The following RAP1GDS1 variants were observed in gnomAD, a reference collection of about 807,000 sequenced individuals.
RAP1GDS1 encodes the protein RAP1, GTP-GDP dissociation stimulator 1.
RAP1GDS1 carries 35 observed loss-of-function variants against 71.1 expected under a neutral mutation model. The observed-to-expected ratio is 0.49, with a 90% CI of 0.38 to 0.65. The LOEUF (loss-of-function observed/expected upper bound fraction) is 0.65. Among genes scored for constraint, RAP1GDS1 ranks in the 30% least tolerant of loss-of-function variants. RAP1GDS1 has a pLI of 0.00. For missense variants in RAP1GDS1, 663 were observed against 706.1 expected (o/e 0.94, Z 0.69); for synonymous variants, 229 against 243.1 (o/e 0.94, Z 0.54).
chr4:98,400,225 A>G (rs1341790638), intron 6 of RAP1GDS1, among the ~76,000 whole-genome samples: 1 of 152,082 alleles, frequency 6.6e-6, no homozygotes, highest in African/African-American at 2.4e-5. Flanking sequence ...ATTTATCAAA[A>G]GGAAAGGAAG....
intron 6 of RAP1GDS1, among the ~76,000 whole-genome samples, chr4:98,395,678 C>G (rs995789259): frequency 3.3e-5 from 5 of 152,154 alleles, no homozygotes; most frequent in African/African-American, 4.8e-5. Flanking sequence ...CCTTTTTAAA[C>G]ATAGATACTC....
At position 98,317,132 on chromosome 4, in the gene RAP1GDS1, A is replaced by C. The variant is rs540670076; in HGVS notation, c.112+23617A>C. Among the ~76,000 whole-genome samples the C allele has an allele frequency of 1.3e-4, 20 of 152,174 alleles. No homozygotes were observed. In the Middle Eastern group the frequency reaches 0.014, roughly 104 times the overall value. On this transcript the variant is annotated intron_variant, in intron 2 of 14. Transcript: ENST00000408927. The stretch of plus-strand genomic sequence containing the variant: ...TTGTTCCCCTGAATTAGGTACTGTT[A>C]AGGGGCCTCCATCACACTTTTTTAC...
intron 3 of RAP1GDS1, among the ~76,000 whole-genome samples, chr4:98,351,130 C>T (rs1388941031): frequency 6.6e-6 from 1 of 152,128 alleles, no homozygotes; most frequent in Non-Finnish European, 1.5e-5. Flanking sequence ...ACATGTACAG[C>T]ATAATTCATT....
intron 2 of RAP1GDS1, among the ~76,000 whole-genome samples, chr4:98,301,688 C>G (rs1728610547): frequency 6.6e-6 from 1 of 151,970 alleles, no homozygotes; most frequent in African/African-American, 2.4e-5. Context: ...TGAAAATTAC[C>G]TTTAGAAAGA....
rs1752020814 is a variant in RAP1GDS1, at chr4:98,442,686, CCTTTTTA to C, written c.*570_*576del. ...CTTTAACTTCTGGTTTCTCCTTTTT[CCTTTTTA>C]GACTATTGAAACTGCCACAAACTTG... is the stretch of plus-strand genomic sequence containing the variant. On this transcript the variant is annotated 3_prime_UTR_variant, in exon 15 of 15. Transcript: ENST00000408927. 1 of 227,242 alleles carries C rather than the reference CCTTTTTA, an allele frequency of 4.4e-6. No individual in the cohort carries two copies. The highest frequency in any genetic ancestry group is 8.8e-6 in the Non-Finnish European group (1 of 114,090). 14.1% of individuals were successfully genotyped at this position (227,242 alleles called of 1,614,324 possible). A position where few individuals can be genotyped will look rare whatever the true frequency, so the allele number is the denominator to read the frequency against.
At chr4:98,355,421 T>A (rs1244189911) in intron 4 of RAP1GDS1, among the ~76,000 whole-genome samples, 3 of 152,208 alleles carry the variant, frequency 2.0e-5, no homozygotes. Context: ...ATAATTTTTT[T>A]AACATAGGTT....
intron 2 of RAP1GDS1, among the ~76,000 whole-genome samples, chr4:98,311,011 T>G (rs1730142964): frequency 3.3e-5 from 5 of 152,312 alleles, no homozygotes; most frequent in Admixed American, 3.3e-4. Flanking sequence ...AAATCGTAAA[T>G]ACTTAGGCCC....
intron 14 of RAP1GDS1, among the ~76,000 whole-genome samples, chr4:98,441,160 A>G (rs1181813105): frequency 6.6e-6 from 1 of 152,166 alleles, no homozygotes; most frequent in African/African-American, 2.4e-5. Context: ...GGATTTTTCT[A>G]TTACTACTAA....
intron 2 of RAP1GDS1, among the ~76,000 whole-genome samples, chr4:98,337,171 A>C (rs1274792958): frequency 1.3e-5 from 2 of 152,190 alleles, no homozygotes; most frequent in Non-Finnish European, 2.9e-5. Flanking sequence ...CTGAGATTAC[A>C]GGTGTGAGCC....
chr4:98,297,576 T>G (rs1231849447), intron 2 of RAP1GDS1, among the ~76,000 whole-genome samples: 1 of 152,168 alleles, frequency 6.6e-6, no homozygotes, highest in East Asian at 1.9e-4. Flanking sequence ...GTGATTGTTT[T>G]GGGGTGCCGT....
intron 7 of RAP1GDS1, among the ~76,000 whole-genome samples, chr4:98,412,426 G>C (rs764029581): frequency 2.0e-5 from 3 of 152,134 alleles, no homozygotes; most frequent in Non-Finnish European, 2.9e-5. Context: ...GAGATAGGAG[G>C]ATTGCTTGAG....
chr4:98,292,666 T>C (rs1188552214), intron 1 of RAP1GDS1, among the ~76,000 whole-genome samples: 4 of 152,206 alleles, frequency 2.6e-5, no homozygotes, highest in Non-Finnish European at 1.5e-5. Flanking sequence ...GCAGTAGGTT[T>C]ATAATTGTTA....
At position 98,343,329 on chromosome 4, in the gene RAP1GDS1, C is replaced by T; in HGVS notation, c.235+68C>T. Reference sequence around the variant, plus strand: ...GTTTTACATCTTACTTGTCAGTATGCTTTATTAATTTATGTTTTAATTTTG... The same window carrying T: ...GTTTTACATCTTACTTGTCAGTATGTTTTATTAATTTATGTTTTAATTTTG... On this transcript the variant is annotated intron_variant, in intron 3 of 14. Coordinates refer to ENST00000408927, the MANE Select transcript of RAP1GDS1 (RefSeq NM_001100427.2). The T allele has an allele frequency of 1.3e-6, 2 of 1,488,876 alleles. 1 individual carries two copies. Among genetic ancestry groups the T allele is most frequent in the Middle Eastern group, 3.4e-4 (2 of 5,800 alleles). The allele number at this position is 1,488,876 out of a possible 1,614,324, so 92.2% of individuals were successfully genotyped here.
chr4:98,357,552 G>A (rs1455975695), intron 4 of RAP1GDS1, among the ~76,000 whole-genome samples: 1 of 151,856 alleles, frequency 6.6e-6, no homozygotes, highest in Non-Finnish European at 1.5e-5. Flanking sequence ...ACAAGCATAT[G>A]CCATTAAAGA....
intron 7 of RAP1GDS1, among the ~76,000 whole-genome samples, chr4:98,413,187 C>A (rs1047939503): frequency 6.6e-6 from 1 of 151,642 alleles, no homozygotes; most frequent in South Asian, 2.1e-4. Context: ...TAGACCTCCC[C>A]CCAGGAATGC....
intron 1 of RAP1GDS1, among the ~76,000 whole-genome samples, chr4:98,270,293 T>A (rs1290681951): frequency 6.6e-6 from 1 of 152,172 alleles, no homozygotes; most frequent in Non-Finnish European, 1.5e-5. Context: ...CATATAGTTA[T>A]AAAGACTATT....
intron 2 of RAP1GDS1, among the ~76,000 whole-genome samples, chr4:98,308,398 A>C (rs996826481): frequency 6.9e-6 from 1 of 145,180 alleles, no homozygotes; most frequent in Admixed American, 7.1e-5. Context: ...CAAGCATAGA[A>C]GTTTGAGGCT....
At chr4:98,315,834 G>A (rs900493251) in intron 2 of RAP1GDS1, among the ~76,000 whole-genome samples, 1 of 152,144 alleles carries the variant, frequency 6.6e-6, no homozygotes, top group African/African-American at 2.4e-5. Context: ...TACCAAGAAA[G>A]GTGGTGTGTT....
intron 1 of RAP1GDS1, among the ~76,000 whole-genome samples, chr4:98,293,072 T>C (rs924160068): frequency 6.6e-6 from 1 of 152,174 alleles, no homozygotes; most frequent in African/African-American, 2.4e-5. Flanking sequence ...ACTATATAAT[T>C]TTTTATGAAC....
Sources: allele counts gnomAD v4.1 joint callset (sites outside exome capture counted in the v4.1 genomes callset), GRCh38; gene constraint gnomAD v4.1.1; transcripts MANE v1.5; gene names NCBI Gene and HGNC (gene_info 2026-07-23, HGNC 2026-07-21).